The following HECW2 variants were observed in gnomAD, a reference collection of about 807,000 sequenced individuals.
HECW2 encodes the protein E3 ubiquitin-protein ligase HECW2.
In HECW2, 61 loss-of-function variants were observed where a neutral mutation model predicts 175.2. The observed-to-expected ratio is 0.35, with a 90% CI of 0.28 to 0.43. The LOEUF (loss-of-function observed/expected upper bound fraction) is 0.43. HECW2 is among the 20% of genes least tolerant of loss of function. HECW2 has a pLI of 1.00. For missense variants in HECW2, 1,524 were observed against 2,000.5 expected, an observed-to-expected ratio of 0.76 and a Z score of 4.54; for synonymous variants, 671 against 731.0, an observed-to-expected ratio of 0.92 and a Z score of 1.32.
chr2:196,520,101 G>A (rs1487150633), intron 1 of HECW2, among the ~76,000 whole-genome samples: 1 of 152,216 alleles, frequency 6.6e-6, no homozygotes, highest in Non-Finnish European at 1.5e-5. Context: ...GGGTATTTAT[G>A]GAGAAAAGTC....
At chr2:196,255,165 T>TTTTC (rs2105917557) in intron 18 of HECW2, among the ~76,000 whole-genome samples, 1 of 146,474 alleles carries the variant, frequency 6.8e-6, no homozygotes, top group East Asian at 2.0e-4. Context: ...TTTTTTTTTT[T>TTTTC]TTTTTAGTAG....
chr2:196,584,401 G>A (rs1690901970), intron 1 of HECW2, among the ~76,000 whole-genome samples: 1 of 152,118 alleles, frequency 6.6e-6, no homozygotes, highest in South Asian at 2.1e-4. Flanking sequence ...AAACACTGAA[G>A]AGATATTTCT....
intron 6 of HECW2, among the ~76,000 whole-genome samples, chr2:196,323,354 T>C (rs1340608298): frequency 6.6e-6 from 1 of 152,238 alleles, no homozygotes; most frequent in Non-Finnish European, 1.5e-5. Context: ...CTTCACTTTA[T>C]CTTTACAACG....
rs768717917 is a variant in HECW2 at position 196,292,522 on chromosome 2, C to G, written c.3000+43G>C. On this transcript the variant is annotated intron_variant, in intron 14 of 28. Transcript: ENST00000644978. ...GCCAAGTGTCGAAGCCACAAGCAGC[C>G]CACAGGCATTTGGCACTCCCTGAGG... The G allele has an allele frequency of 4.5e-6, 7 of 1,561,776 alleles. No homozygotes were observed. In the Admixed American group the frequency reaches 8.5e-5, roughly 19 times the overall value.
intron 6 of HECW2, among the ~76,000 whole-genome samples, chr2:196,323,899 GT>G (rs1183919803): frequency 1.7e-5 from 2 of 118,182 alleles, no homozygotes; most frequent in South Asian, 2.7e-4. Context: ...GCCCTTAAGA[GT>G]TTTTTTTGTT....
rs143340435 is a variant in HECW2, at chr2:196,310,768, T to TTGTGTGTG, written c.2435-2691_2435-2684dup. ...TGCAGTGAAAACGAGAGCAACGATT[T>TTGTGTGTG]TGTGTGTGTGTGTGTGTGTGTTTTG... On this transcript the variant is annotated intron_variant, in intron 10 of 28. Transcript: ENST00000644978. Among the ~76,000 whole-genome samples the TTGTGTGTG allele has an allele frequency of 9.4e-5, 14 of 148,324 alleles. No homozygotes were observed. In the East Asian group the frequency reaches 1.0e-3, roughly 11 times the overall value.
chr2:196,359,246 G>A (rs10203678), intron 2 of HECW2, among the ~76,000 whole-genome samples: 29,971 of 152,066 alleles, frequency 0.2, 3,260 homozygotes, highest in Middle Eastern at 0.33. Context: ...TCAGGAGATC[G>A]ATACCATCCT....
chr2:196,265,133 C>T (rs73042401), intron 17 of HECW2, among the ~76,000 whole-genome samples: 8,825 of 152,140 alleles, frequency 0.058, 831 homozygotes, highest in African/African-American at 0.2. Flanking sequence ...GTAACGCTCC[C>T]TGTAGGAAAC....
chr2:196,468,097 C>A (rs778827981), intron 1 of HECW2, among the ~76,000 whole-genome samples: 2 of 152,170 alleles, frequency 1.3e-5, no homozygotes, highest in African/African-American at 2.4e-5. Flanking sequence ...CAGGTCCAAG[C>A]AATTCTCCTG....
At chr2:196,212,709 C>T (rs1463604869) in intron 28 of HECW2, among the ~76,000 whole-genome samples, 1 of 151,990 alleles carries the variant, frequency 6.6e-6, no homozygotes, top group Non-Finnish European at 1.5e-5. Context: ...GGGTATATAC[C>T]CAGTAGTGAG....
chr2:196,396,609 T>A (rs1043723366), intron 2 of HECW2, among the ~76,000 whole-genome samples: 6 of 152,252 alleles, frequency 3.9e-5, no homozygotes, highest in African/African-American at 1.4e-4. Flanking sequence ...TTTCCCCTTT[T>A]GGAGAAATAT....
At chr2:196,392,184 A>C (rs1243653798) in intron 2 of HECW2, among the ~76,000 whole-genome samples, 1 of 152,180 alleles carries the variant, frequency 6.6e-6, no homozygotes, top group Non-Finnish European at 1.5e-5. Context: ...AAAATAAATT[A>C]TATTAAGATT....
At chr2:196,467,107 C>T (rs1423520649) in intron 1 of HECW2, among the ~76,000 whole-genome samples, 1 of 152,060 alleles carries the variant, frequency 6.6e-6, no homozygotes, top group Non-Finnish European at 1.5e-5. Context: ...GTTAGGGGTT[C>T]CCAAAGAAAT....
chr2:196,371,322 C>T (rs16850423), intron 2 of HECW2, among the ~76,000 whole-genome samples: 3,484 of 152,078 alleles, frequency 0.023, 139 homozygotes, highest in African/African-American at 0.08. Context: ...GTAATGTGTC[C>T]CCTACCTTAA....
intron 10 of HECW2, among the ~76,000 whole-genome samples, chr2:196,311,810 C>CAACA (rs1276408666): frequency 2.0e-5 from 3 of 152,056 alleles, no homozygotes; most frequent in Non-Finnish European, 2.9e-5. Context: ...ACAACAACAA[C>CAACA]AACAAACAAA....
intron 1 of HECW2, among the ~76,000 whole-genome samples, chr2:196,508,590 G>A (rs747434677): frequency 2.0e-5 from 3 of 152,168 alleles, no homozygotes; most frequent in Non-Finnish European, 2.9e-5. Flanking sequence ...GTTCTTTAGC[G>A]GATTTAATTC....
At chr2:196,531,364 T>G (rs1688832621) in intron 1 of HECW2, among the ~76,000 whole-genome samples, 1 of 152,198 alleles carries the variant, frequency 6.6e-6, no homozygotes, top group Non-Finnish European at 1.5e-5. Context: ...CTTATTATTA[T>G]TAAATGTTTT....
At chr2:196,414,775 C>T (rs1695208825) in intron 2 of HECW2, among the ~76,000 whole-genome samples, 1 of 152,122 alleles carries the variant, frequency 6.6e-6, no homozygotes, top group African/African-American at 2.4e-5. Flanking sequence ...ACACCTGGTC[C>T]ACAAGAATCA....
chr2:196,393,133 T>C (rs2125186800), intron 2 of HECW2, among the ~76,000 whole-genome samples: 1 of 152,314 alleles, frequency 6.6e-6, no homozygotes, highest in South Asian at 2.1e-4. Flanking sequence ...TTACACCTTA[T>C]ACAAAAATTA....
Sources: gnomAD v4.1 joint callset for allele counts (sites outside exome capture counted in the v4.1 genomes callset) on GRCh38, gnomAD v4.1.1 for gene constraint, MANE v1.5 for transcripts, NCBI Gene and HGNC (gene_info 2026-07-23, HGNC 2026-07-21) for gene names.